Variants in PSMD13 observed in about 807,000 individuals in gnomAD.
PSMD13 encodes proteasome 26S subunit, non-ATPase 13.
PSMD13 carries 8 observed loss-of-function variants against 57.4 expected under a neutral mutation model. The ratio of observed to expected loss-of-function variants is 0.14; its 90% confidence interval spans 0.08 to 0.25. The LOEUF (loss-of-function observed/expected upper bound fraction) is 0.25. Ranked by LOEUF, PSMD13 falls within the 10% of genes least tolerant of loss-of-function variation. The pLI is 1.00. For synonymous variants in PSMD13, 193 were observed against 168.2 expected (o/e 1.15, Z -1.14); for missense variants, 400 against 461.5 (o/e 0.87, Z 1.22).
chr11:243,446 CTTA>C (rs1859560296), intron 2 of PSMD13: 1 of 296,658 alleles, frequency 3.4e-6, no homozygotes, highest in South Asian at 3.1e-5. Context: ...CCACAATGGT[CTTA>C]TTATTTAAAT....
intron 2 of PSMD13, among the ~76,000 whole-genome samples, chr11:240,110 T>TTTC: frequency 7.6e-6 from 1 of 130,842 alleles, no homozygotes; most frequent in Non-Finnish European, 1.6e-5. Context: ...GCTTTTTTTT[T>TTTC]TTTTTTTTTT....
chr11:237,732 T>G (rs1859365014), intron 1 of PSMD13, among the ~76,000 whole-genome samples: 1 of 152,350 alleles, frequency 6.6e-6, no homozygotes, highest in East Asian at 1.9e-4. Flanking sequence ...GTATTTCTCA[T>G]GGGCTTTCTG....
At position 237,042 on chromosome 11, in the gene PSMD13, C is replaced by A. The variant is rs765177142; in HGVS notation, c.-8C>A. Reference sequence around the variant, plus strand: ...TTGTTCTTCTGTGCCGGGGGTCTTCCTGCTGTCATGAAGGACGTACCGGGC... The same window carrying A: ...TTGTTCTTCTGTGCCGGGGGTCTTCATGCTGTCATGAAGGACGTACCGGGC... On this transcript the variant is annotated 5_prime_UTR_variant, in exon 1 of 13. In the 5' UTR this introduces an upstream ATG that the reference lacks. Coordinates refer to ENST00000532097, the MANE Select transcript of PSMD13 (RefSeq NM_002817.4). 6.2e-7 allele frequency: 1 copy of A among 1,611,116 alleles called. No individual in the cohort carries two copies. Among genetic ancestry groups the A allele is most frequent in the African/African-American group, 1.3e-5 (1 of 74,880 alleles).
At chr11:245,694 TCGTGTGTTTG>T (rs774593686) in intron 6 of PSMD13, among the ~76,000 whole-genome samples, 3 of 68,696 alleles carry the variant, frequency 4.4e-5, no homozygotes, top group Non-Finnish European at 9.2e-5. Context: ...GCATGTGTGT[TCGTGTGTTTG>T]TGTGTGTTTG....
In PSMD13 at chr11:244,159, A is replaced by G; in HGVS notation, c.210-2A>G. On this transcript the variant is annotated splice_acceptor_variant, in intron 3 of 12. Transcript: ENST00000532097. LOFTEE classifies it high-confidence loss of function. Reference sequence around the variant, plus strand: ...CTCAAAGGCTGGTGGCTTTTATTTCAGGGTGAACCCTTTGTCCCTCGTGGA... The same window carrying G: ...CTCAAAGGCTGGTGGCTTTTATTTCGGGGTGAACCCTTTGTCCCTCGTGGA... 6.2e-7 allele frequency: 1 copy of G among 1,609,074 alleles called. No homozygotes were observed. Among genetic ancestry groups the G allele is most frequent in the Non-Finnish European group, 8.5e-7 (1 of 1,176,068 alleles).
At position 248,699 on chromosome 11, in the gene PSMD13, G is replaced by A. The variant is rs1322613495; in HGVS notation, c.569-77G>A. The stretch of plus-strand genomic sequence containing the variant: ...TACAAACAATGTTTTTTTACTTTTT[G>A]TTATATGAGATTTTTAAAGCTAAAC... On this transcript the variant is annotated intron_variant, in intron 7 of 12. Transcript: ENST00000532097. 6 of 1,380,904 alleles carry A rather than the reference G, an allele frequency of 4.3e-6. No individual in the cohort carries two copies. In the East Asian group the frequency reaches 1.1e-4, roughly 26 times the overall value. 85.5% of individuals were successfully genotyped at this position (1,380,904 alleles called of 1,614,324 possible).
At chr11:249,478 G>A (rs556916167) in intron 9 of PSMD13, among the ~76,000 whole-genome samples, 4 of 152,020 alleles carry the variant, frequency 2.6e-5, no homozygotes, top group Admixed American at 1.3e-4. Flanking sequence ...ATGAGTGGGT[G>A]GGAGAGAGCA....
At chr11:245,641 C>CGTGTGTGTGT (rs4029226) in intron 6 of PSMD13, among the ~76,000 whole-genome samples, 5 of 122,430 alleles carry the variant, frequency 4.1e-5, no homozygotes, top group East Asian at 4.8e-4. Flanking sequence ...TGAACCAGAA[C>CGTGTGTGTGT]GTGTGTGTGT....
At chr11:250,491 A>T (rs1235335262) in intron 9 of PSMD13, among the ~76,000 whole-genome samples, 3 of 152,152 alleles carry the variant, frequency 2.0e-5, no homozygotes, top group African/African-American at 7.2e-5. Flanking sequence ...TGACCAGGAG[A>T]GTCTTCTCGA....
chr11:251,565 CCAATCA>C lies in PSMD13; in HGVS notation c.860_865del (p.Asn287_His288del). The stretch of plus-strand genomic sequence containing the variant: ...TTCCAGATGACTTTCACACGACCTG[CCAATCA>C]CAGACAACTCACTTTTGAAGAAATT... On this transcript the variant is annotated inframe_deletion, in exon 11 of 13. Transcript: ENST00000532097. The surrounding 1 kb of genome is among the most constrained non-coding windows in gnomAD (Gnocchi z 4.6). 6.2e-7 allele frequency: 1 copy of C among 1,613,794 alleles called. No homozygotes were observed. The highest frequency in any genetic ancestry group is 8.5e-7 in the Non-Finnish European group (1 of 1,179,794).
chr11:248,424 G>A (rs1001972738), intron 7 of PSMD13, among the ~76,000 whole-genome samples: 2 of 152,046 alleles, frequency 1.3e-5, no homozygotes, highest in Non-Finnish European at 2.9e-5. Context: ...CAGAAAGTAA[G>A]TTAGTTCTGG....
chr11:251,204 C>G lies in PSMD13; in HGVS notation c.837+339C>G, dbSNP rs1316589231. 1 of 440,018 alleles carries G rather than the reference C, an allele frequency of 2.3e-6. No homozygotes were observed. Among genetic ancestry groups the G allele is most frequent in the Non-Finnish European group, 4.1e-6 (1 of 242,608 alleles). The allele number at this position is 440,018 out of a possible 1,614,324, so 27.3% of individuals were successfully genotyped here. The stretch of plus-strand genomic sequence containing the variant: ...TTGTGTACACGCACATCTGTCTTTC[C>G]CCACTAGAACTTAAGCTTCGTCAGG... On this transcript the variant is annotated intron_variant, in intron 10 of 12. Transcript: ENST00000532097. This position sits in a 1 kb window ranked among gnomAD's most constrained non-coding sequence, Gnocchi z 4.6.
chr11:239,043 T>G lies in PSMD13; in HGVS notation c.141T>G (p.Asp47Glu), dbSNP rs749482559. Residue 47 changes from aspartate (D) to glutamate (E), a missense_variant, in exon 2 of 13, where the codon GAT (aspartate) becomes GAG (glutamate). Transcript: ENST00000532097. ...LTLQVLDFVQDPCFAQGDGLI... is the reference protein window; with the variant it reads ...LTLQVLDFVQEPCFAQGDGLI... Reference sequence around the variant, plus strand: ...TTCAGGTGCTTGATTTTGTGCAGGATCCGTGCTTTGCCCAAGGAGATGGTC... The same window carrying G: ...TTCAGGTGCTTGATTTTGTGCAGGAGCCGTGCTTTGCCCAAGGAGATGGTC... 1 of 1,614,184 alleles carries G rather than the reference T, an allele frequency of 6.2e-7. No homozygotes were observed. The highest frequency in any genetic ancestry group is 1.1e-5 in the South Asian group (1 of 91,082).
chr11:243,903 G>T (rs1859575367), intron 2 of PSMD13, 138 bp from the exon 3 acceptor site: 3 of 746,710 alleles, frequency 4.0e-6, no homozygotes, highest in African/African-American at 1.8e-5. Flanking sequence ...ATTGCTTACT[G>T]TGTGCTGGGC....
Position 252,060 on chromosome 11 carries a change from GA to G in PSMD13, c.1035+126del, listed in dbSNP as rs1428132015. The G allele has an allele frequency of 5.4e-6, 5 of 917,890 alleles. No homozygotes were observed. The highest frequency in any genetic ancestry group is 8.5e-6 in the Non-Finnish European group (5 of 587,866). The allele number at this position is 917,890 out of a possible 1,614,324, so 56.9% of individuals were successfully genotyped here. A position where few individuals can be genotyped will look rare whatever the true frequency, so the allele number is the denominator to read the frequency against. On this transcript the variant is annotated intron_variant, in intron 12 of 12. Transcript: ENST00000532097. The surrounding 1 kb of genome is among the most constrained non-coding windows in gnomAD (Gnocchi z 4.1). ...GCATTATTAGACAAGAGGTTTTGGAGAAGGAAATACTGCTGTTGGGTTTTTC... is the reference window on the plus strand; with the variant it reads ...GCATTATTAGACAAGAGGTTTTGGAGAGGAAATACTGCTGTTGGGTTTTTC...
In PSMD13 at chr11:238,998, G is replaced by A; in HGVS notation, c.96G>A (p.Lys32=). The A allele has an allele frequency of 6.2e-7, 1 of 1,614,068 alleles. No homozygotes were observed. The highest frequency in any genetic ancestry group is 8.5e-7 in the Non-Finnish European group (1 of 1,179,936). The change falls in exon 2 of 13, where the codon AAG becomes AAA. Residue 32 remains lysine (K), a splice_region_variant and synonymous_variant. Transcript: ENST00000532097. ...WHRLEELYTK[K]LWHQLTLQVL... is the part of the protein sequence containing the mutation. ...GTCTTAAGGGCTGTATGTTTTTCAGGTTGTGGCATCAGCTGACACTTCAGG... is the reference window on the plus strand; with the variant it reads ...GTCTTAAGGGCTGTATGTTTTTCAGATTGTGGCATCAGCTGACACTTCAGG...
At chr11:241,740 G>A (rs1404142535) in intron 2 of PSMD13, among the ~76,000 whole-genome samples, 8 of 152,034 alleles carry the variant, frequency 5.3e-5, no homozygotes, top group African/African-American at 1.9e-4. Flanking sequence ...CCTCATTACG[G>A]TTGCTCCCTC....
At chr11:242,408 ATTAAC>A (rs923037026) in intron 2 of PSMD13, among the ~76,000 whole-genome samples, 9 of 151,790 alleles carry the variant, frequency 5.9e-5, no homozygotes, top group Admixed American at 6.6e-5. Context: ...ATTTTATTTC[ATTAAC>A]TTAATAGGTG....
At position 250,872 on chromosome 11, in the gene PSMD13, G is replaced by C; in HGVS notation, c.837+7G>C. Reference sequence around the variant, plus strand: ...GTTGTTGTGCCTCATGGAGGTAAGCGAACACCCAGGAGCCACTTTGTCTGT... The same window carrying C: ...GTTGTTGTGCCTCATGGAGGTAAGCCAACACCCAGGAGCCACTTTGTCTGT... On this transcript the variant is annotated splice_region_variant and intron_variant, in intron 10 of 12. Coordinates refer to ENST00000532097, the MANE Select transcript of PSMD13 (RefSeq NM_002817.4). 1 of 1,613,018 alleles carries C rather than the reference G, an allele frequency of 6.2e-7. No individual in the cohort carries two copies. The highest frequency in any genetic ancestry group is 8.5e-7 in the Non-Finnish European group (1 of 1,179,678).
Sources: allele counts gnomAD v4.1 joint callset (sites outside exome capture counted in the v4.1 genomes callset), GRCh38; gene constraint gnomAD v4.1.1; non-coding constraint Gnocchi (gnomAD v3.1); transcripts MANE v1.5; gene names NCBI Gene and HGNC (gene_info 2026-07-23, HGNC 2026-07-21).